NRXN1: variants seen among roughly 807,000 people sequenced by gnomAD.
NRXN1 encodes neurexin 1.
A neutral mutation model predicts 150.9 loss-of-function variants in NRXN1; 39 were observed. That is an observed-to-expected ratio of 0.26 (90% CI 0.20 to 0.34). The LOEUF (loss-of-function observed/expected upper bound fraction) is 0.34, where lower values mean the gene tolerates loss of function less well. Among genes scored for constraint, NRXN1 ranks in the 10% least tolerant of loss-of-function variants. The pLI is 1.00. For synonymous variants in NRXN1, 924 were observed against 757.0 expected, an observed-to-expected ratio of 1.22 and a Z score of -3.62; for missense variants, 1,815 against 1,949.9, an observed-to-expected ratio of 0.93 and a Z score of 1.30.
intron 19 of NRXN1, among the ~76,000 whole-genome samples, chr2:50,072,127 T>C (rs893512432): frequency 1.3e-5 from 2 of 152,202 alleles, no homozygotes; most frequent in African/African-American, 4.8e-5. Context: ...TCTCATACCA[T>C]TAAATGAATT....
intron 2 of NRXN1, among the ~76,000 whole-genome samples, chr2:51,003,051 A>G (rs923561105): frequency 1.3e-5 from 2 of 151,950 alleles, no homozygotes; most frequent in Non-Finnish European, 1.5e-5. Flanking sequence ...ATCTTGAAAA[A>G]GGAGGAGAAA....
At chr2:50,030,759 G>T (rs2152567397) in intron 21 of NRXN1, among the ~76,000 whole-genome samples, 1 of 152,214 alleles carries the variant, frequency 6.6e-6, no homozygotes, top group Middle Eastern at 3.4e-3. Context: ...AAAATGAAAA[G>T]CTGCATGCAT....
chr2:50,077,314 G>A lies in NRXN1; in HGVS notation c.3718+14009C>T, dbSNP rs192343640. ...GTTACCTCTTCACCCCAATGCTGGC[G>A]CAACATGAATTTCCTTTATTGAATC... On this transcript the variant is annotated intron_variant, in intron 19 of 22. Coordinates refer to ENST00000401669, the MANE Select transcript of NRXN1 (RefSeq NM_001330078.2). Among the ~76,000 whole-genome samples the A allele has an allele frequency of 3.9e-5, 6 of 152,148 alleles. No individual in the cohort carries two copies. In the East Asian group the frequency reaches 5.8e-4, roughly 15 times the overall value.
chr2:50,842,964 A>G (rs946153496), intron 5 of NRXN1, among the ~76,000 whole-genome samples: 3 of 152,204 alleles, frequency 2.0e-5, no homozygotes, highest in African/African-American at 7.2e-5. Context: ...GCTTATTCCT[A>G]TCCCCTCGGT....
chr2:50,953,606 G>C (rs945941441), intron 2 of NRXN1, among the ~76,000 whole-genome samples: 1 of 151,262 alleles, frequency 6.6e-6, no homozygotes, highest in African/African-American at 2.4e-5. Context: ...ACCCAGGCTG[G>C]AGTGCCATCG....
chr2:50,500,978 A>G (rs1277263186), intron 13 of NRXN1, among the ~76,000 whole-genome samples: 2 of 152,226 alleles, frequency 1.3e-5, no homozygotes, highest in African/African-American at 4.8e-5. Flanking sequence ...CTCATGGTCT[A>G]CGGGAGAAAG....
At position 50,978,713 on chromosome 2, in the gene NRXN1, G is replaced by A. The variant is rs1011616233; in HGVS notation, c.772+48789C>T. ...TTTAAAATATCATTTAAAGGAGCAC[G>A]TCTATTTGATATTCAGATTTTGAGT... is the stretch of plus-strand genomic sequence containing the variant. On this transcript the variant is annotated intron_variant, in intron 2 of 22. Coordinates refer to ENST00000401669, the MANE Select transcript of NRXN1 (RefSeq NM_001330078.2). Among the ~76,000 whole-genome samples the A allele has an allele frequency of 4.6e-5, 7 of 152,012 alleles. No homozygotes were observed. The East Asian group carries it at 5.8e-4, about 13-fold the overall frequency.
At chr2:50,923,030 G>A (rs956974999) in intron 3 of NRXN1, among the ~76,000 whole-genome samples, 1 of 151,646 alleles carries the variant, frequency 6.6e-6, no homozygotes, top group Non-Finnish European at 1.5e-5. Context: ...TTTGCATATT[G>A]CCCCCACAGG....
chr2:50,061,659 AG>A (rs1185611418), intron 19 of NRXN1, among the ~76,000 whole-genome samples: 1 of 152,238 alleles, frequency 6.6e-6, no homozygotes, highest in African/African-American at 2.4e-5. Flanking sequence ...CAACATGCTG[AG>A]CAAATAGGCT....
At chr2:50,913,467 A>T (rs1005639328) in intron 5 of NRXN1, among the ~76,000 whole-genome samples, 1 of 151,808 alleles carries the variant, frequency 6.6e-6, no homozygotes, top group Non-Finnish European at 1.5e-5. Context: ...CAGGTAACTC[A>T]AGCCAAAGAA....
intron 5 of NRXN1, among the ~76,000 whole-genome samples, chr2:50,898,161 T>G (rs1682314702): frequency 6.6e-6 from 1 of 152,182 alleles, no homozygotes; most frequent in Non-Finnish European, 1.5e-5. Context: ...AGTCAATGTC[T>G]GAATAACTTT....
At chr2:50,605,452 C>T (rs1053041219) in intron 8 of NRXN1, among the ~76,000 whole-genome samples, 1 of 151,974 alleles carries the variant, frequency 6.6e-6, no homozygotes, top group Admixed American at 6.6e-5. Flanking sequence ...CAACAATAAC[C>T]CAATTAAAAA....
chr2:50,027,861 T>C (rs1688596870), intron 21 of NRXN1, among the ~76,000 whole-genome samples: 1 of 152,198 alleles, frequency 6.6e-6, no homozygotes, highest in Non-Finnish European at 1.5e-5. Flanking sequence ...TGCACAGTTA[T>C]GGGAAGCCTC....
chr2:50,112,693 C>A (rs1702536441), intron 18 of NRXN1, among the ~76,000 whole-genome samples: 1 of 152,000 alleles, frequency 6.6e-6, no homozygotes, highest in Non-Finnish European at 1.5e-5. Context: ...GGGGGTGTGT[C>A]CCAGGCCCAT....
chr2:50,243,344 G>T (rs2066204273), intron 17 of NRXN1, among the ~76,000 whole-genome samples: 1 of 151,492 alleles, frequency 6.6e-6, no homozygotes, highest in African/African-American at 2.4e-5. Context: ...AGAGAACAAT[G>T]GGAAGTTTGT....
At chr2:50,440,438 A>C (rs2085849060) in intron 17 of NRXN1, among the ~76,000 whole-genome samples, 1 of 152,016 alleles carries the variant, frequency 6.6e-6, no homozygotes, top group African/African-American at 2.4e-5. Context: ...AAGATAAAAT[A>C]CTATACCAAA....
intron 18 of NRXN1, among the ~76,000 whole-genome samples, chr2:50,191,777 T>C (rs2061460642): frequency 6.6e-6 from 1 of 152,212 alleles, no homozygotes; most frequent in African/African-American, 2.4e-5. Flanking sequence ...CTTTTTATTG[T>C]TGCATAGTAT....
intron 17 of NRXN1, among the ~76,000 whole-genome samples, chr2:50,373,294 TTTATTATTATTA>T (rs6146761): frequency 7.1e-5 from 10 of 140,412 alleles, no homozygotes; most frequent in East Asian, 2.1e-4. Context: ...TATTTTATTT[TTTATTATTATTA>T]TTATTATTAT....
At chr2:50,790,218 T>C (rs2105593604) in intron 5 of NRXN1, among the ~76,000 whole-genome samples, 1 of 152,208 alleles carries the variant, frequency 6.6e-6, no homozygotes, top group East Asian at 1.9e-4. Context: ...CCCATTCAGT[T>C]CTTGCAACTC....
Sources: allele counts gnomAD v4.1 joint callset (sites outside exome capture counted in the v4.1 genomes callset), GRCh38; gene constraint gnomAD v4.1.1; transcripts MANE v1.5; gene names NCBI Gene and HGNC (gene_info 2026-07-23, HGNC 2026-07-21).